Variants in SH3PXD2A observed in about 807,000 individuals in gnomAD.
SH3PXD2A encodes the protein SH3 and PX domain-containing protein 2A.
Under a neutral mutation model 115.2 loss-of-function variants are expected in SH3PXD2A, and 32 were observed. The observed-to-expected ratio is 0.28, with a 90% CI of 0.21 to 0.37. The LOEUF is 0.37. Ranked by LOEUF, SH3PXD2A falls within the 10% of genes least tolerant of loss-of-function variation. The pLI, the probability that SH3PXD2A is intolerant of heterozygous loss-of-function variation, is 1.00. For synonymous variants in SH3PXD2A, 610 were observed against 629.1 expected (o/e 0.97, Z 0.45); for missense variants, 1,328 against 1,498.7 (o/e 0.89, Z 1.88).
intron 6 of SH3PXD2A, among the ~76,000 whole-genome samples, chr10:103,684,849 C>T (rs1282370269): frequency 4.0e-5 from 6 of 150,052 alleles, no homozygotes; most frequent in African/African-American, 9.8e-5. Context: ...GGCAACATAG[C>T]GAGACCCTGT....
chr10:103,756,510 T>A lies in SH3PXD2A; in HGVS notation c.229+10584A>T, dbSNP rs1202009059. ...TGAAACCTGGACCCAGAAACCAGAGTGCCCAGTGCCCAGAGGCTCCTGGGG... is the reference window on the plus strand; with the variant it reads ...TGAAACCTGGACCCAGAAACCAGAGAGCCCAGTGCCCAGAGGCTCCTGGGG... On this transcript the variant is annotated intron_variant, in intron 3 of 14. Transcript: ENST00000369774. The surrounding 1 kb of genome is among the most constrained non-coding windows in gnomAD (Gnocchi z 4.4). Among the ~76,000 whole-genome samples, 1 of 151,852 alleles carries A rather than the reference T, an allele frequency of 6.6e-6. No homozygotes were observed. Among genetic ancestry groups the A allele is most frequent in the Non-Finnish European group, 1.5e-5 (1 of 67,954 alleles).
chr10:103,659,085 C>T (rs1467138539), intron 8 of SH3PXD2A, among the ~76,000 whole-genome samples: 1 of 152,226 alleles, frequency 6.6e-6, no homozygotes, highest in Non-Finnish European at 1.5e-5. Context: ...GAGCAGGCAT[C>T]TCCCCCTTTG....
In SH3PXD2A at chr10:103,756,928, A is replaced by G. The variant is rs116276226; in HGVS notation, c.229+10166T>C. 0.013 allele frequency among the ~76,000 whole-genome samples: 2,046 copies of G among 152,196 alleles called. 61 individuals are homozygous for G. The highest frequency in any genetic ancestry group is 0.047 in the African/African-American group (1,951 of 41,502). On this transcript the variant is annotated intron_variant, in intron 3 of 14. Coordinates refer to ENST00000369774, the MANE Select transcript of SH3PXD2A (RefSeq NM_001394015.1). The surrounding 1 kb of genome is among the most constrained non-coding windows in gnomAD (Gnocchi z 4.4). ...CGCCAGCCCCTTCTCCAGACTCCACACAGGCCTTTGAGGCCTAGCACCTTC... is the reference window on the plus strand; with the variant it reads ...CGCCAGCCCCTTCTCCAGACTCCACGCAGGCCTTTGAGGCCTAGCACCTTC...
chr10:103,692,979 A>T lies in SH3PXD2A; in HGVS notation c.427+49T>A, dbSNP rs762934953. 1.0e-5 allele frequency: 15 copies of T among 1,437,942 alleles called. No individual in the cohort carries two copies. The South Asian group carries it at 1.7e-4, about 16-fold the overall frequency. The allele number at this position is 1,437,942 out of a possible 1,614,324, so 89.1% of individuals were successfully genotyped here. A position where few individuals can be genotyped will look rare whatever the true frequency, so the allele number is the denominator to read the frequency against. On this transcript the variant is annotated intron_variant, in intron 6 of 14. Coordinates refer to ENST00000369774, the MANE Select transcript of SH3PXD2A (RefSeq NM_001394015.1). Reference sequence around the variant, plus strand: ...TCTGCAGGATCGGAGGGGCGCGTGCACGAAGCGGGAAGGAAGGCTGAAGGG... The same window carrying T: ...TCTGCAGGATCGGAGGGGCGCGTGCTCGAAGCGGGAAGGAAGGCTGAAGGG...
chr10:103,663,759 A>T (rs1048668617), intron 7 of SH3PXD2A, among the ~76,000 whole-genome samples: 9 of 152,234 alleles, frequency 5.9e-5, no homozygotes, highest in Admixed American at 5.9e-4. Context: ...AGGAAATCCC[A>T]AAGGGAGGCC....
At chr10:103,669,902 T>C (rs971241097) in intron 6 of SH3PXD2A, among the ~76,000 whole-genome samples, 2 of 152,234 alleles carry the variant, frequency 1.3e-5, no homozygotes, top group Non-Finnish European at 2.9e-5. Flanking sequence ...ACTTTGCATA[T>C]AGTAACTGGT....
intron 5 of SH3PXD2A, among the ~76,000 whole-genome samples, chr10:103,713,939 T>G (rs1013455664): frequency 2.6e-5 from 4 of 152,264 alleles, no homozygotes; most frequent in South Asian, 2.1e-4. Flanking sequence ...GAGCTACTTC[T>G]GAAGTCCCGG....
chr10:103,601,617 G>A lies in SH3PXD2A; in HGVS notation c.*199C>T. 1 of 550,232 alleles carries A rather than the reference G, an allele frequency of 1.8e-6. No homozygotes were observed. The highest frequency in any genetic ancestry group is 3.2e-5 in the Admixed American group (1 of 31,144). The allele number at this position is 550,232 out of a possible 1,614,324, so 34.1% of individuals were successfully genotyped here. A position where few individuals can be genotyped will look rare whatever the true frequency, so the allele number is the denominator to read the frequency against. ...TCCATTCCCTTCCTCACTCAGTGTG[G>A]GCACCCCCATCCCCTACCTTCCAGC... is the stretch of plus-strand genomic sequence containing the variant. On this transcript the variant is annotated 3_prime_UTR_variant, in exon 15 of 15. Coordinates refer to ENST00000369774, the MANE Select transcript of SH3PXD2A (RefSeq NM_001394015.1).
At position 103,617,225 on chromosome 10, in the gene SH3PXD2A, T is replaced by G; in HGVS notation, c.892A>C (p.Lys298Gln). The G allele has an allele frequency of 6.2e-7, 1 of 1,614,024 alleles. No homozygotes were observed. Among genetic ancestry groups the G allele is most frequent in the Non-Finnish European group, 8.5e-7 (1 of 1,179,856 alleles). Residue 298 changes from lysine to glutamine, a missense_variant, in exon 11 of 15, where the codon AAG becomes CAG. Physicochemically the swap from Lys to Gln is moderately conservative, Grantham distance 53 (BLOSUM62 1). Transcript: ENST00000369774. Reference protein sequence around the residue: ...EKGVTVEVIRKNLEGWWYIRY... With the variant: ...EKGVTVEVIRQNLEGWWYIRY... ...ATATACCACCAGCCTTCCAGATTCT[T>G]CCGGATCACCTCCACTGTGACGCCC...
At chr10:103,726,450 A>C (rs1424777251) in intron 4 of SH3PXD2A, among the ~76,000 whole-genome samples, 1 of 152,192 alleles carries the variant, frequency 6.6e-6, no homozygotes, top group Non-Finnish European at 1.5e-5. Context: ...GCACCCACGG[A>C]GGGTGGGAAA....
intron 8 of SH3PXD2A, among the ~76,000 whole-genome samples, chr10:103,634,039 GC>G (rs759207835): frequency 6.6e-6 from 1 of 152,236 alleles, no homozygotes; most frequent in Non-Finnish European, 1.5e-5. Flanking sequence ...GTTTTGCCCA[GC>G]TCTCCTTGTG....
At chr10:103,789,290 C>A (rs1173812878) in intron 2 of SH3PXD2A, among the ~76,000 whole-genome samples, 2 of 152,334 alleles carry the variant, frequency 1.3e-5, no homozygotes, top group South Asian at 4.1e-4. Context: ...TGGTCTACAT[C>A]CTGGGCTGCC....
intron 5 of SH3PXD2A, among the ~76,000 whole-genome samples, chr10:103,708,931 G>T (rs1048169430): frequency 3.3e-5 from 5 of 151,842 alleles, no homozygotes; most frequent in Non-Finnish European, 7.4e-5. Context: ...CTCAGACCAG[G>T]TGACAGGCTC....
Position 103,699,857 on chromosome 10 carries a change from C to A in SH3PXD2A, c.399-6801G>T, listed in dbSNP as rs540814078. Among the ~76,000 whole-genome samples the A allele has an allele frequency of 7.2e-5, 11 of 152,300 alleles. No individual in the cohort carries two copies. In the South Asian group the frequency reaches 2.3e-3, roughly 32 times the overall value. On this transcript the variant is annotated intron_variant, in intron 5 of 14. Transcript: ENST00000369774. ...GTTCTGAGAATGGACCCCATTGTGA[C>A]CATGTGGCTTGTCCAGAGGGGCCGG...
At chr10:103,785,549 C>T (rs1163305561) in intron 2 of SH3PXD2A, among the ~76,000 whole-genome samples, 2 of 152,190 alleles carry the variant, frequency 1.3e-5, no homozygotes, top group African/African-American at 2.4e-5. Context: ...CACTGCTCTT[C>T]TGGGAGGGGG....
intron 8 of SH3PXD2A, among the ~76,000 whole-genome samples, chr10:103,629,961 G>A (rs1241958260): frequency 1.3e-5 from 2 of 152,340 alleles, no homozygotes; most frequent in African/African-American, 4.8e-5. Context: ...ACCTGCCTTC[G>A]TTCCCTCTGC....
intron 5 of SH3PXD2A, among the ~76,000 whole-genome samples, chr10:103,721,092 G>C (rs775895523): frequency 1.3e-5 from 2 of 152,304 alleles, no homozygotes; most frequent in East Asian, 3.9e-4. Context: ...GTGATGGAGC[G>C]GCCAAATGCT....
intron 6 of SH3PXD2A, among the ~76,000 whole-genome samples, chr10:103,692,290 A>G (rs2037762131): frequency 6.6e-6 from 1 of 150,760 alleles, no homozygotes; most frequent in African/African-American, 2.4e-5. Context: ...CTCTACCCTC[A>G]GCCCACAGCT....
intron 5 of SH3PXD2A, among the ~76,000 whole-genome samples, chr10:103,723,580 C>G (rs2038207458): frequency 6.6e-6 from 1 of 152,150 alleles, no homozygotes; most frequent in Non-Finnish European, 1.5e-5. Context: ...CTGTTTCTCT[C>G]CAAACATGGA....
Sources: gnomAD v4.1 joint callset for allele counts (sites outside exome capture counted in the v4.1 genomes callset) on GRCh38, gnomAD v4.1.1 for gene constraint, Gnocchi (gnomAD v3.1) non-coding constraint, MANE v1.5 for transcripts, NCBI Gene and HGNC (gene_info 2026-07-23, HGNC 2026-07-21) for gene names.